Variants in TRMT11 observed in about 807,000 individuals in gnomAD.
The protein encoded by TRMT11 is tRNA (guanine(10)-N(2))-methyltransferase TRMT11.
A neutral mutation model predicts 62.8 loss-of-function variants in TRMT11; 53 were observed. The observed-to-expected ratio is 0.84, with a 90% CI of 0.68 to 1.06. TRMT11 has a LOEUF of 1.06. Ranked by LOEUF, TRMT11 falls within the 50% of genes least tolerant of loss-of-function variation. The pLI is 0.00. For missense variants in TRMT11, 556 were observed against 553.4 expected (o/e 1.00, Z -0.05); for synonymous variants, 188 against 190.3 (o/e 0.99, Z 0.10).
intron 7 of TRMT11, among the ~76,000 whole-genome samples, chr6:126,002,409 A>G (rs567777473): frequency 2.0e-4 from 31 of 152,244 alleles, no homozygotes; most frequent in African/African-American, 7.0e-4. Context: ...TCCTAGCTAC[A>G]TCAACACATT....
intron 12 of TRMT11, among the ~76,000 whole-genome samples, chr6:126,026,899 T>G (rs1290585381): frequency 6.8e-6 from 1 of 147,172 alleles, no homozygotes; most frequent in African/African-American, 2.6e-5. Context: ...GCCTCCCGGG[T>G]TCACGCCATT....
intron 3 of TRMT11, among the ~76,000 whole-genome samples, chr6:125,997,075 T>C (rs1250390232): frequency 1.3e-5 from 2 of 152,236 alleles, no homozygotes; most frequent in Non-Finnish European, 2.9e-5. Flanking sequence ...CTTTCATAAC[T>C]CTTCTAATTC....
At chr6:126,072,999 A>G (rs987802139) in intron 17 of TRMT11, among the ~76,000 whole-genome samples, 3 of 152,078 alleles carry the variant, frequency 2.0e-5, no homozygotes, top group Admixed American at 6.5e-5. Flanking sequence ...GAAAACAAAT[A>G]TTTGTCTTCT....
chr6:126,163,892 C>A (rs1291591319), intron 21 of TRMT11, among the ~76,000 whole-genome samples: 3 of 152,102 alleles, frequency 2.0e-5, no homozygotes, highest in Non-Finnish European at 4.4e-5. Context: ...GGCTAGCAGT[C>A]TACCTATTTT....
the TRMT11 span, chr6:126,258,378 C>T: frequency 2.8e-6 from 1 of 354,180 alleles, no homozygotes; most frequent in South Asian, 2.3e-5. Context: ...TCAGTCCCCT[C>T]ACTGTGTCTG....
the TRMT11 span, among the ~76,000 whole-genome samples, chr6:126,256,853 G>GT: frequency 6.6e-6 from 1 of 151,828 alleles, no homozygotes; most frequent in African/African-American, 2.4e-5. Flanking sequence ...GGTAGCCTGT[G>GT]TTTTTTTGTT....
chr6:126,271,655 T>A, the TRMT11 span, among the ~76,000 whole-genome samples: 2 of 152,186 alleles, frequency 1.3e-5, no homozygotes, highest in Non-Finnish European at 2.9e-5. Flanking sequence ...AAATACTGGA[T>A]TTAACATCTT....
At chr6:126,258,266 G>A in the TRMT11 span, 1 of 539,628 alleles carries the variant, frequency 1.9e-6, no homozygotes, top group Non-Finnish European at 3.6e-6. Flanking sequence ...GGCCCTGGGG[G>A]GTGGGCTCTG....
the TRMT11 span, among the ~76,000 whole-genome samples, chr6:126,238,444 A>C: frequency 6.6e-6 from 1 of 152,170 alleles, no homozygotes; most frequent in African/African-American, 2.4e-5. Context: ...GAACATCTTT[A>C]TTTCTGCCTT....
the TRMT11 span, among the ~76,000 whole-genome samples, chr6:126,271,251 C>A: frequency 6.6e-6 from 1 of 150,836 alleles, no homozygotes; most frequent in African/African-American, 2.4e-5. Context: ...GTAATCCCAG[C>A]TACTCAGGGG....
At chr6:126,040,075 C>G (rs1181814331), downstream of TRMT11, among the ~76,000 whole-genome samples, 1 of 152,106 alleles carries the variant, frequency 6.6e-6, no homozygotes, top group South Asian at 2.1e-4. Flanking sequence ...TTCAGTTTTT[C>G]TGTTTAAACC....
At chr6:126,170,284 C>A (rs1778315905) in intron 21 of TRMT11, among the ~76,000 whole-genome samples, 1 of 152,128 alleles carries the variant, frequency 6.6e-6, no homozygotes, top group Admixed American at 6.6e-5. Context: ...ACCAAAAAAC[C>A]CGAAACTGAT....
intron 17 of TRMT11, among the ~76,000 whole-genome samples, chr6:126,078,338 TATC>T (rs1330843937): frequency 1.3e-5 from 2 of 152,202 alleles, no homozygotes; most frequent in South Asian, 4.1e-4. Flanking sequence ...ATTAGTCATT[TATC>T]ATCCTTAATT....
chr6:126,184,412 C>T (rs1276726363), intron 1 of TRMT11, among the ~76,000 whole-genome samples: 1 of 152,172 alleles, frequency 6.6e-6, no homozygotes. Flanking sequence ...AAGTCCAGAG[C>T]ATAATCATGG....
intron 12 of TRMT11, among the ~76,000 whole-genome samples, chr6:126,036,675 A>G (rs1293022201): frequency 1.3e-5 from 2 of 152,174 alleles, no homozygotes; most frequent in African/African-American, 4.8e-5. Context: ...GAAGAAAAAC[A>G]TTCTGCCAGG....
chr6:126,077,150 C>A, intron 17 of TRMT11, among the ~76,000 whole-genome samples: 1 of 152,170 alleles, frequency 6.6e-6, no homozygotes, highest in Non-Finnish European at 1.5e-5. Context: ...TTCTGGTGAC[C>A]CAAACTATTG....
the TRMT11 span, among the ~76,000 whole-genome samples, chr6:126,261,906 G>A: frequency 6.6e-6 from 1 of 152,204 alleles, no homozygotes; most frequent in Non-Finnish European, 1.5e-5. Flanking sequence ...TGAGCCATGT[G>A]TAGACACGGC....
At chr6:126,243,427 A>G in the TRMT11 span, among the ~76,000 whole-genome samples, 1 of 152,188 alleles carries the variant, frequency 6.6e-6, no homozygotes, top group Non-Finnish European at 1.5e-5. Context: ...CAGCCATCCC[A>G]TTACTGGGTA....
chr6:126,217,062 C>G, the TRMT11 span, among the ~76,000 whole-genome samples: 1 of 152,148 alleles, frequency 6.6e-6, no homozygotes, highest in Non-Finnish European at 1.5e-5. Context: ...TTGTGTTTTT[C>G]AACTCCCGAA....
Sources: gnomAD v4.1 joint callset for allele counts (sites outside exome capture counted in the v4.1 genomes callset) on GRCh38, gnomAD v4.1.1 for gene constraint, MANE v1.5 for transcripts, NCBI Gene and HGNC (gene_info 2026-07-23, HGNC 2026-07-21) for gene names.